Variants in SDK1 observed in about 807,000 individuals in gnomAD.
The protein encoded by SDK1 is protein sidekick-1.
Under a neutral mutation model 245.5 loss-of-function variants are expected in SDK1, and 157 were observed. That is an observed-to-expected ratio of 0.64 (90% confidence interval 0.56 to 0.73). The LOEUF is 0.73. Ranked by LOEUF, SDK1 falls within the 30% of genes least tolerant of loss-of-function variation. SDK1 has a pLI of 0.00. For missense variants in SDK1, 3,583 were observed against 3,002.3 expected (o/e 1.19, Z -4.52); for synonymous variants, 1,647 against 1,278.5 (o/e 1.29, Z -6.15).
intron 5 of SDK1, among the ~76,000 whole-genome samples, chr7:3,892,470 G>A (rs1008500472): frequency 3.9e-5 from 6 of 152,170 alleles, no homozygotes; most frequent in Admixed American, 1.3e-4. Flanking sequence ...CCTGGCAGCC[G>A]TCCCCTCCTC....
Position 4,265,365 on chromosome 7 carries a change from G to T in SDK1, c.6623G>T (p.Gly2208Val), listed in dbSNP as rs1423646855. 10 of 1,449,058 alleles carry T rather than the reference G, an allele frequency of 6.9e-6. No homozygotes were observed. The East Asian group carries it at 2.6e-4, about 37-fold the overall frequency. The allele number at this position is 1,449,058 out of a possible 1,614,324, so 89.8% of individuals were successfully genotyped here. Residue 2208 changes from glycine to valine, a missense_variant, in exon 45 of 45, where the codon GGC becomes GTC. Coordinates refer to ENST00000404826, the MANE Select transcript of SDK1 (RefSeq NM_152744.4). ...CCCGGCGCGCGAACTCCGCTCACCG[G>T]CTTCTCCTCCTTCGTGTGAGCAAAG... Reference protein sequence around the residue: ...AGPGARTPLTGFSSFV With the variant: ...AGPGARTPLTVFSSFV
intron 5 of SDK1, among the ~76,000 whole-genome samples, chr7:3,889,843 C>T (rs1781417459): frequency 1.3e-5 from 2 of 152,274 alleles, no homozygotes; most frequent in South Asian, 4.2e-4. Context: ...GGTTGTGTTT[C>T]AGAGGTAACT....
At chr7:3,400,242 C>G (rs1337891430) in intron 1 of SDK1, among the ~76,000 whole-genome samples, 1 of 152,046 alleles carries the variant, frequency 6.6e-6, no homozygotes, top group African/African-American at 2.4e-5. Context: ...ATGAACCAAG[C>G]CTTTCTAGCC....
chr7:3,524,106 G>T (rs898318626), intron 1 of SDK1, among the ~76,000 whole-genome samples: 3 of 152,118 alleles, frequency 2.0e-5, no homozygotes, highest in Non-Finnish European at 4.4e-5. Flanking sequence ...GCAAAGACCT[G>T]CAGGAAGGAA....
At chr7:3,599,317 T>C (rs937951868) in intron 1 of SDK1, among the ~76,000 whole-genome samples, 1 of 152,152 alleles carries the variant, frequency 6.6e-6, no homozygotes, top group Non-Finnish European at 1.5e-5. Context: ...TCTATTTGGA[T>C]TGTTTGTTTC....
rs552334100 is a variant in SDK1 at position 4,203,088 on chromosome 7, G to C, written c.5099-2791G>C. 9.2e-5 allele frequency among the ~76,000 whole-genome samples: 14 copies of C among 152,338 alleles called. No individual in the cohort carries two copies. The South Asian group carries it at 1.7e-3, about 18-fold the overall frequency. ...AATGCCGTCCTTGCTGCCGTTTGGG[G>C]CTTGGCTGCAGCCTCCAGCCCACCC... On this transcript the variant is annotated intron_variant, in intron 35 of 44. Transcript: ENST00000404826.
At chr7:4,076,916 C>A (rs1346466291) in intron 20 of SDK1, 82 bp from the exon 21 acceptor site, 8 of 1,235,292 alleles carry the variant, frequency 6.5e-6, no homozygotes, top group African/African-American at 1.5e-5. Flanking sequence ...TAGCTCCAAG[C>A]CTGCAACGAT....
intron 17 of SDK1, among the ~76,000 whole-genome samples, chr7:4,034,855 G>A (rs1266431192): frequency 5.9e-5 from 9 of 152,214 alleles, no homozygotes; most frequent in Non-Finnish European, 1.5e-5. Context: ...GAAAGAGGAC[G>A]AATTCGAGAA....
chr7:3,490,905 C>T (rs1583940693), intron 1 of SDK1, among the ~76,000 whole-genome samples: 1 of 152,168 alleles, frequency 6.6e-6, no homozygotes, highest in African/African-American at 2.4e-5. Context: ...CCTTGCCCTC[C>T]ACAGACACAG....
chr7:4,264,478 G>A (rs1376191592), intron 44 of SDK1, among the ~76,000 whole-genome samples: 8 of 137,688 alleles, frequency 5.8e-5, no homozygotes, highest in African/African-American at 1.9e-4. Flanking sequence ...GGGAGGCCGC[G>A]TGGACCTCTC....
chr7:3,670,329 C>T (rs922627562), intron 4 of SDK1, among the ~76,000 whole-genome samples: 1 of 152,164 alleles, frequency 6.6e-6, no homozygotes, highest in African/African-American at 2.4e-5. Flanking sequence ...CCATCTCTTT[C>T]CCTCTGACGT....
chr7:3,591,822 G>A (rs1255613324), intron 1 of SDK1, among the ~76,000 whole-genome samples: 1 of 152,204 alleles, frequency 6.6e-6, no homozygotes, highest in Non-Finnish European at 1.5e-5. Flanking sequence ...TTTATCCAAT[G>A]GGAGGCAAAC....
chr7:3,466,083 G>C (rs1305550780), intron 1 of SDK1, among the ~76,000 whole-genome samples: 4 of 152,026 alleles, frequency 2.6e-5, no homozygotes, highest in African/African-American at 9.7e-5. Context: ...GTGAGGTTTT[G>C]TTACAGGATA....
chr7:3,806,565 T>G (rs537394212), intron 4 of SDK1, among the ~76,000 whole-genome samples: 1 of 152,384 alleles, frequency 6.6e-6, no homozygotes, highest in East Asian at 1.9e-4. Context: ...CTTTGGTCCT[T>G]TGCAGAACTT....
At chr7:3,657,933 C>A (rs1168711713) in intron 4 of SDK1, among the ~76,000 whole-genome samples, 1 of 152,164 alleles carries the variant, frequency 6.6e-6, no homozygotes, top group Admixed American at 6.5e-5. Context: ...TGAATGATAC[C>A]TTTGTCATCA....
At chr7:4,069,924 C>T (rs1374852152) in intron 20 of SDK1, among the ~76,000 whole-genome samples, 1 of 152,166 alleles carries the variant, frequency 6.6e-6, no homozygotes, top group Non-Finnish European at 1.5e-5. Flanking sequence ...CGCATTCTCT[C>T]CTCTGCAGCG....
intron 17 of SDK1, among the ~76,000 whole-genome samples, chr7:4,037,969 C>G (rs1439220775): frequency 6.6e-6 from 1 of 152,154 alleles, no homozygotes; most frequent in African/African-American, 2.4e-5. Context: ...AGCAGTTTGT[C>G]TGGTATATGG....
At chr7:3,653,092 T>C (rs1405895458) in intron 4 of SDK1, among the ~76,000 whole-genome samples, 1 of 152,180 alleles carries the variant, frequency 6.6e-6, no homozygotes, top group African/African-American at 2.4e-5. Context: ...ATGAGAAAAG[T>C]CGCAGGCTTA....
chr7:3,792,682 C>T (rs901552004), intron 4 of SDK1, among the ~76,000 whole-genome samples: 9 of 144,568 alleles, frequency 6.2e-5, no homozygotes, highest in African/African-American at 2.4e-4. Flanking sequence ...CCCCCTCCTC[C>T]TGCAGTCTCC....
Sources: allele counts gnomAD v4.1 joint callset (sites outside exome capture counted in the v4.1 genomes callset), GRCh38; gene constraint gnomAD v4.1.1; transcripts MANE v1.5; gene names NCBI Gene and HGNC (gene_info 2026-07-23, HGNC 2026-07-21).